The following NFIA variants were observed in gnomAD, a reference collection of about 807,000 sequenced individuals.
NFIA encodes the protein nuclear factor 1 A-type.
Under a neutral mutation model 62.8 loss-of-function variants are expected in NFIA, and 8 were observed. The ratio of observed to expected loss-of-function variants is 0.13; its 90% CI spans 0.07 to 0.23. NFIA has a LOEUF of 0.23. Among genes scored for constraint, NFIA ranks in the 10% least tolerant of loss-of-function variants. The probability of loss-of-function intolerance (pLI) is 1.00; values close to 1 mark genes in which losing one functional copy is unlikely to be tolerated. For missense variants in NFIA, 410 were observed against 642.1 expected (o/e 0.64, Z 3.91); for synonymous variants, 235 against 238.1 (o/e 0.99, Z 0.12).
At chr1:61,375,863 T>C (rs1290982543) in intron 6 of NFIA, among the ~76,000 whole-genome samples, 1 of 152,172 alleles carries the variant, frequency 6.6e-6, no homozygotes, top group East Asian at 1.9e-4. Flanking sequence ...TTCATGGAAG[T>C]TGACTACACC....
chr1:61,186,898 A>G (rs1224654168), intron 2 of NFIA, among the ~76,000 whole-genome samples: 1 of 152,140 alleles, frequency 6.6e-6, no homozygotes, highest in Admixed American at 6.5e-5. Context: ...TAACTATTAA[A>G]TGTCAGTGCT....
chr1:61,100,590 T>C (rs1646491231), intron 2 of NFIA, among the ~76,000 whole-genome samples: 1 of 152,094 alleles, frequency 6.6e-6, no homozygotes, highest in Non-Finnish European at 1.5e-5. Context: ...TATAAAAAAT[T>C]TATGGTGATT....
rs77099355 is a variant in NFIA, at chr1:61,241,376, G to A, written c.560-36144G>A. On this transcript the variant is annotated intron_variant, in intron 2 of 10. Transcript: ENST00000403491. Reference sequence around the variant, plus strand: ...GCAATGTATTTAAGTTAAGGAAATTGGGATATCATTACCTCAGTGAGGATG... The same window carrying A: ...GCAATGTATTTAAGTTAAGGAAATTAGGATATCATTACCTCAGTGAGGATG... Among the ~76,000 whole-genome samples the A allele has an allele frequency of 4.2e-3, 635 of 152,210 alleles. 4 individuals are homozygous for A. Among genetic ancestry groups the A allele is most frequent in the East Asian group, 0.018 (94 of 5,182 alleles).
At chr1:61,373,098 A>G (rs952190212) in intron 6 of NFIA, among the ~76,000 whole-genome samples, 1 of 152,152 alleles carries the variant, frequency 6.6e-6, no homozygotes, top group Non-Finnish European at 1.5e-5. Context: ...AGCTCAATTC[A>G]TTGCACAACG....
At chr1:61,093,028 T>G (rs1186121485) in intron 2 of NFIA, among the ~76,000 whole-genome samples, 1 of 152,220 alleles carries the variant, frequency 6.6e-6, no homozygotes, top group African/African-American at 2.4e-5. Context: ...TATTATAATT[T>G]TTATAAATAA....
chr1:61,232,725 C>T (rs1422432648), intron 2 of NFIA, among the ~76,000 whole-genome samples: 2 of 151,990 alleles, frequency 1.3e-5, no homozygotes, highest in African/African-American at 2.4e-5. Context: ...TCTTCCTTTC[C>T]AGTTTAGTTT....
At position 61,360,691 on chromosome 1, in the gene NFIA, G is replaced by A. The variant is rs183149617; in HGVS notation, c.946+1417G>A. Among the ~76,000 whole-genome samples the A allele has an allele frequency of 1.4e-3, 207 of 152,224 alleles. 1 individual carries two copies. Among genetic ancestry groups the A allele is most frequent in the East Asian group, 1.9e-4 (1 of 5,192 alleles). On this transcript the variant is annotated intron_variant, in intron 6 of 10. Coordinates refer to ENST00000403491, the MANE Select transcript of NFIA (RefSeq NM_001134673.4). ...GGATGTGACTATAAAGGTGTAGCAC[G>A]GGGAAAATGTTGGGGTGATAGAACC... is the stretch of plus-strand genomic sequence containing the variant.
chr1:61,084,861 T>C (rs1273809309), intron 1 of NFIA, among the ~76,000 whole-genome samples: 10 of 152,032 alleles, frequency 6.6e-5, no homozygotes. Flanking sequence ...TTTTTTTTTT[T>C]CTTTTTTTTT....
chr1:61,162,751 C>T (rs1307795790), intron 2 of NFIA, among the ~76,000 whole-genome samples: 1 of 151,716 alleles, frequency 6.6e-6, no homozygotes, highest in Non-Finnish European at 1.5e-5. Flanking sequence ...TCTGCTGCCA[C>T]AGCAGAATGG....
At chr1:61,426,639 G>T (rs1219364307) in intron 10 of NFIA, 83 bp downstream of exon 10, 5 of 1,064,400 alleles carry the variant, frequency 4.7e-6, no homozygotes, top group African/African-American at 1.6e-5. Context: ...TGCACAAAAG[G>T]CCACATTTTC....
intron 6 of NFIA, among the ~76,000 whole-genome samples, chr1:61,368,623 A>G (rs185522683): frequency 2.6e-5 from 4 of 152,360 alleles, no homozygotes; most frequent in African/African-American, 9.6e-5. Flanking sequence ...TAAGAACAAG[A>G]GCTGCCATTT....
chr1:61,263,914 C>T (rs1656936884), intron 2 of NFIA, among the ~76,000 whole-genome samples: 1 of 151,942 alleles, frequency 6.6e-6, no homozygotes, highest in Non-Finnish European at 1.5e-5. Context: ...CGCTTGAACC[C>T]GGGAGGCAGA....
intron 7 of NFIA, 166 bp from the exon 8 acceptor site, chr1:61,403,938 G>A: frequency 2.8e-6 from 2 of 709,538 alleles, no homozygotes; most frequent in South Asian, 2.2e-5. Context: ...TTGTCTTAGA[G>A]CCTTAAGGAA....
intron 10 of NFIA, among the ~76,000 whole-genome samples, chr1:61,428,555 T>C (rs941542714): frequency 1.3e-5 from 2 of 152,092 alleles, no homozygotes; most frequent in Non-Finnish European, 2.9e-5. Context: ...AAAAAAGATA[T>C]CTTGAGGTAA....
chr1:61,368,096 A>G (rs1380019123), intron 6 of NFIA, among the ~76,000 whole-genome samples: 3 of 152,244 alleles, frequency 2.0e-5, no homozygotes, highest in African/African-American at 7.2e-5. Context: ...TCTCAGGAAA[A>G]CAGATGCTGC....
At chr1:61,426,087 C>T (rs996199007) in intron 9 of NFIA, among the ~76,000 whole-genome samples, 1 of 152,118 alleles carries the variant, frequency 6.6e-6, no homozygotes, top group South Asian at 2.1e-4. Flanking sequence ...TGCTTTCCTC[C>T]CCTTCCTACC....
Position 61,128,391 on chromosome 1 carries a change from A to T in NFIA, c.559+39711A>T, listed in dbSNP as rs886234374. 6.6e-5 allele frequency among the ~76,000 whole-genome samples: 10 copies of T among 152,160 alleles called. No homozygotes were observed. In the East Asian group the frequency reaches 1.9e-3, roughly 29 times the overall value. ...CTTTGGGAGCCGAGGCGGGTGGATC[A>T]CTTGAGCCCAGGAGTTCAAGACCAG... On this transcript the variant is annotated intron_variant, in intron 2 of 10. Coordinates refer to ENST00000403491, the MANE Select transcript of NFIA (RefSeq NM_001134673.4).
intron 2 of NFIA, among the ~76,000 whole-genome samples, chr1:61,216,127 C>G (rs541992144): frequency 6.6e-6 from 1 of 152,156 alleles, no homozygotes; most frequent in Non-Finnish European, 1.5e-5. Flanking sequence ...TTTACCCATT[C>G]CCTGTATCAG....
chr1:61,252,357 A>G (rs2100214437), intron 2 of NFIA, among the ~76,000 whole-genome samples: 1 of 152,314 alleles, frequency 6.6e-6, no homozygotes, highest in East Asian at 1.9e-4. Flanking sequence ...GGACCTGTTT[A>G]TACTAGTCTT....
Sources: allele counts gnomAD v4.1 joint callset (sites outside exome capture counted in the v4.1 genomes callset), GRCh38; gene constraint gnomAD v4.1.1; transcripts MANE v1.5; gene names NCBI Gene and HGNC (gene_info 2026-07-23, HGNC 2026-07-21).